CEP126: variants seen among roughly 807,000 people sequenced by gnomAD.
The protein encoded by CEP126 is centrosomal protein of 126 kDa.
CEP126 carries 74 observed loss-of-function variants against 107.8 expected under a neutral mutation model. The observed-to-expected ratio is 0.69, with a 90% confidence interval of 0.57 to 0.83. CEP126 has a LOEUF of 0.83. Ranked by LOEUF, CEP126 falls within the 40% of genes least tolerant of loss-of-function variation. The pLI is 0.00. For missense variants in CEP126, 1,237 were observed against 1,281.9 expected, an observed-to-expected ratio of 0.96 and a Z score of 0.53; for synonymous variants, 449 against 446.0, an observed-to-expected ratio of 1.01 and a Z score of -0.08.
chr11:101,971,922 A>T (rs1941133972), intron 6 of CEP126, among the ~76,000 whole-genome samples: 1 of 152,106 alleles, frequency 6.6e-6, no homozygotes, highest in Admixed American at 6.6e-5. Context: ...CAGCCTGGCC[A>T]ACATGGTGAA....
intron 1 of CEP126, among the ~76,000 whole-genome samples, chr11:101,919,033 A>AT (rs1482827652): frequency 6.6e-6 from 1 of 152,242 alleles, no homozygotes; most frequent in African/African-American, 2.4e-5. Flanking sequence ...AATGGTTTAT[A>AT]TATAGGTCCA....
rs144855305 is a variant in CEP126, at chr11:101,972,091, G to C, written c.2846-6256G>C. Reference sequence around the variant, plus strand: ...CCACTGCACTCCAGCCTGGGCAATAGAGCAAGACCCAGTCTCCAAAAAAAA... The same window carrying C: ...CCACTGCACTCCAGCCTGGGCAATACAGCAAGACCCAGTCTCCAAAAAAAA... On this transcript the variant is annotated intron_variant, in intron 6 of 10. Coordinates refer to ENST00000263468, the MANE Select transcript of CEP126 (RefSeq NM_020802.4). Among the ~76,000 whole-genome samples the C allele has an allele frequency of 3.6e-4, 55 of 151,672 alleles. No individual in the cohort carries two copies. In the East Asian group the frequency reaches 0.011, roughly 29 times the overall value.
At chr11:101,992,640 G>A (rs151280501) in intron 9 of CEP126, 138 bp from the exon 10 acceptor site, 152 of 509,322 alleles carry the variant, frequency 3.0e-4, no homozygotes, top group African/African-American at 2.6e-3. Context: ...GACTATTTCT[G>A]GGGGTGACTG....
chr11:101,986,830 A>G lies in CEP126; in HGVS notation c.3035-2A>G, dbSNP rs958873875. ...AAGAATAACTGATGTAAGTTTCTGT[A>G]GTTTCAGATAGTACTTCTGAGTTTT... On this transcript the variant is annotated splice_acceptor_variant, in intron 8 of 10. Transcript: ENST00000263468. LOFTEE classifies it high-confidence loss of function. 4 of 1,612,010 alleles carry G rather than the reference A, an allele frequency of 2.5e-6. No homozygotes were observed. The highest frequency in any genetic ancestry group is 1.6e-4 in the Middle Eastern group (1 of 6,070).
chr11:101,952,117 A>G (rs922139987), intron 4 of CEP126, among the ~76,000 whole-genome samples: 2 of 152,198 alleles, frequency 1.3e-5, no homozygotes, highest in Admixed American at 6.5e-5. Context: ...TGAGACAAAC[A>G]CTGGGAGGAA....
intron 8 of CEP126, 76 bp from the exon 9 acceptor site, chr11:101,986,756 G>A (rs1181827546): frequency 1.0e-6 from 1 of 986,408 alleles, no homozygotes; most frequent in East Asian, 2.4e-5. Flanking sequence ...GCATGTATAA[G>A]TATATGTAAG....
At position 101,946,337 on chromosome 11, in the gene CEP126, ATC is replaced by A. The variant is rs148027355; in HGVS notation, c.395-1690_395-1689del. ...ATCCTGGGCAACATGATGAAACTCA[ATC>A]TCTACAAACAACACAAAAATTAGCC... On this transcript the variant is annotated intron_variant, in intron 3 of 10. Coordinates refer to ENST00000263468, the MANE Select transcript of CEP126 (RefSeq NM_020802.4). Among the ~76,000 whole-genome samples the A allele has an allele frequency of 9.4e-3, 1,419 of 151,736 alleles. 25 individuals carry two copies. Among genetic ancestry groups the A allele is most frequent in the African/African-American group, 0.033 (1,342 of 41,230 alleles).
intron 4 of CEP126, among the ~76,000 whole-genome samples, chr11:101,955,089 A>AG: frequency 6.6e-6 from 1 of 152,320 alleles, no homozygotes; most frequent in East Asian, 1.9e-4. Context: ...CATGTAAAAG[A>AG]GAAAAAAAAT....
chr11:101,954,845 T>C (rs1055690007), intron 4 of CEP126, among the ~76,000 whole-genome samples: 8 of 152,190 alleles, frequency 5.3e-5, no homozygotes, highest in Admixed American at 2.0e-4. Context: ...AAGAATCAGG[T>C]GTTAGGTTAA....
chr11:101,958,025 T>A (rs1940922055), intron 4 of CEP126, 143 bp from the exon 5 acceptor site: 1 of 708,646 alleles, frequency 1.4e-6, no homozygotes, highest in Admixed American at 2.4e-5. Context: ...CATTCTAACA[T>A]GTCTATATAT....
chr11:101,955,871 C>T (rs1225938420), intron 4 of CEP126: 5 of 456,244 alleles, frequency 1.1e-5, no homozygotes, highest in South Asian at 1.5e-5. Flanking sequence ...GGTCCCATTG[C>T]GGTCCCACCA....
intron 4 of CEP126, chr11:101,956,001 C>T: frequency 2.2e-6 from 1 of 456,524 alleles, no homozygotes; most frequent in Non-Finnish European, 4.4e-6. Flanking sequence ...CCATTACTGC[C>T]TTACCCAATT....
chr11:101,942,940 T>G (rs900141965), intron 2 of CEP126, among the ~76,000 whole-genome samples: 1 of 152,082 alleles, frequency 6.6e-6, no homozygotes, highest in Admixed American at 6.6e-5. Context: ...TGCAACTGGT[T>G]TATATGTGTT....
chr11:101,986,409 G>A (rs537762648), intron 8 of CEP126, among the ~76,000 whole-genome samples: 1 of 152,268 alleles, frequency 6.6e-6, no homozygotes, highest in African/African-American at 2.4e-5. Context: ...TGTCAGTTCT[G>A]TTTAGCTGAT....
At chr11:101,934,634 T>C (rs956133323) in intron 2 of CEP126, among the ~76,000 whole-genome samples, 2 of 152,084 alleles carry the variant, frequency 1.3e-5, no homozygotes, top group Non-Finnish European at 2.9e-5. Context: ...CTGCCCTTCA[T>C]AGCAACCACT....
intron 1 of CEP126, among the ~76,000 whole-genome samples, chr11:101,920,297 A>G (rs2137076846): frequency 6.6e-6 from 1 of 152,322 alleles, no homozygotes; most frequent in South Asian, 2.1e-4. Flanking sequence ...ATGCTGAAGC[A>G]CTATAGGATC....
chr11:101,931,094 A>G (rs1326795490), intron 2 of CEP126, among the ~76,000 whole-genome samples: 1 of 152,148 alleles, frequency 6.6e-6, no homozygotes, highest in Non-Finnish European at 1.5e-5. Flanking sequence ...TAGAACTGAA[A>G]TCTAAGGATA....
intron 6 of CEP126, among the ~76,000 whole-genome samples, chr11:101,975,735 C>T (rs1941185680): frequency 6.6e-6 from 1 of 152,174 alleles, no homozygotes; most frequent in Non-Finnish European, 1.5e-5. Flanking sequence ...TCACTGTCCT[C>T]CCACCCTGCA....
In CEP126 at chr11:101,986,881, A is replaced by C; in HGVS notation, c.3084A>C (p.Ala1028=). The part of the protein sequence containing the change: ...EFLMAENLVK[A]SVPEDEILTV... The stretch of plus-strand genomic sequence containing the variant: ...TGATGGCTGAAAACTTAGTGAAAGC[A>C]TCAGTGCCGGAGGATGAGATTCTGA... The change falls in exon 9 of 11, where the codon GCA becomes GCC. Residue 1028 remains alanine, a synonymous_variant. Transcript: ENST00000263468. 1 of 1,613,902 alleles carries C rather than the reference A, an allele frequency of 6.2e-7. No individual in the cohort carries two copies. The highest frequency in any genetic ancestry group is 8.5e-7 in the Non-Finnish European group (1 of 1,179,878).
Sources: allele counts gnomAD v4.1 joint callset (sites outside exome capture counted in the v4.1 genomes callset), GRCh38; gene constraint gnomAD v4.1.1; transcripts MANE v1.5; gene names NCBI Gene and HGNC (gene_info 2026-07-23, HGNC 2026-07-21).